The following DCP1A variants were observed in gnomAD, a reference collection of about 807,000 sequenced individuals.
DCP1A encodes mRNA-decapping enzyme 1A.
DCP1A carries 20 observed loss-of-function variants against 58.0 expected under a neutral mutation model. The ratio of observed to expected loss-of-function variants is 0.34; its 90% CI spans 0.24 to 0.50. The LOEUF is 0.50. DCP1A is among the 20% of genes least tolerant of loss of function. The pLI, the probability that DCP1A is intolerant of heterozygous loss-of-function variation, is 0.98. For synonymous variants in DCP1A, 285 were observed against 275.1 expected (o/e 1.04, Z -0.36); for missense variants, 613 against 712.2 (o/e 0.86, Z 1.59).
At chr3:53,333,014 A>C (rs2089041161) in intron 3 of DCP1A, 1 of 152,124 alleles carries the variant, frequency 6.6e-6, no homozygotes, top group African/African-American at 2.4e-5. Flanking sequence ...ACTTGAAAAA[A>C]ATGTAAATTC....
intron 1 of DCP1A, among the ~76,000 whole-genome samples, 187 bp downstream of exon 1, chr3:53,347,196 C>T (rs1575628564): frequency 6.6e-6 from 1 of 152,168 alleles, no homozygotes; most frequent in Non-Finnish European, 1.5e-5. Context: ...ACTTCTCTCA[C>T]TCCTATCCCC....
intron 3 of DCP1A, among the ~76,000 whole-genome samples, chr3:53,334,708 T>C (rs572869874): frequency 5.3e-5 from 8 of 152,198 alleles, no homozygotes; most frequent in Admixed American, 2.0e-4. Context: ...CATGTTATAC[T>C]GTGGAGCGTT....
At chr3:53,308,373 T>C (rs1553688308) in intron 5 of DCP1A, among the ~76,000 whole-genome samples, 1 of 152,090 alleles carries the variant, frequency 6.6e-6, no homozygotes, top group Non-Finnish European at 1.5e-5. Context: ...TAGCTCACTG[T>C]AACTTGGAGC....
chr3:53,292,913 G>C, intron 6 of DCP1A, 86 bp from the exon 7 acceptor site: 1 of 1,394,620 alleles, frequency 7.2e-7, no homozygotes, highest in Non-Finnish European at 9.7e-7. Context: ...CAAAGATTTT[G>C]CAGAATCAAG....
Position 53,321,714 on chromosome 3 carries a change from C to T in DCP1A, c.305-2241G>A, listed in dbSNP as rs192107601. The stretch of plus-strand genomic sequence containing the variant: ...AGCCTGGGCAACAAGAGCGAAACTC[C>T]GTCTCAAAACAAACAAAAAAACCCA... On this transcript the variant is annotated intron_variant, in intron 3 of 9. Transcript: ENST00000610213. 1.3e-3 allele frequency among the ~76,000 whole-genome samples: 191 copies of T among 152,066 alleles called. 3 individuals are homozygous for T. The highest frequency in any genetic ancestry group is 4.0e-3 in the African/African-American group (166 of 41,490).
intron 3 of DCP1A, among the ~76,000 whole-genome samples, chr3:53,336,719 T>C (rs1194750614): frequency 6.6e-6 from 1 of 152,216 alleles, no homozygotes; most frequent in African/African-American, 2.4e-5. Context: ...ATTAATTTTA[T>C]GTTAATTTCT....
chr3:53,302,185 C>T (rs528397482), intron 6 of DCP1A, among the ~76,000 whole-genome samples: 16 of 152,084 alleles, frequency 1.1e-4, no homozygotes, highest in Non-Finnish European at 2.2e-4. Flanking sequence ...GTTGTCATAT[C>T]GTACTATATT....
At chr3:53,321,644 A>G (rs1284906562) in intron 3 of DCP1A, among the ~76,000 whole-genome samples, 1 of 152,162 alleles carries the variant, frequency 6.6e-6, no homozygotes, top group East Asian at 1.9e-4. Context: ...GCTTGAATCC[A>G]GGAGGTGGAG....
chr3:53,294,524 C>G (rs1389083547), intron 6 of DCP1A, among the ~76,000 whole-genome samples: 1 of 152,190 alleles, frequency 6.6e-6, no homozygotes, highest in Non-Finnish European at 1.5e-5. Context: ...CCTGGAGGTA[C>G]TGACTTAGAA....
At chr3:53,301,561 G>A (rs1214751400) in intron 6 of DCP1A, among the ~76,000 whole-genome samples, 3 of 152,092 alleles carry the variant, frequency 2.0e-5, no homozygotes. Context: ...ACTAAAACAT[G>A]CAATACCAAA....
At chr3:53,337,580 T>C (rs1553692079) in intron 3 of DCP1A, among the ~76,000 whole-genome samples, 1 of 152,248 alleles carries the variant, frequency 6.6e-6, no homozygotes, top group East Asian at 1.9e-4. Context: ...AGAATTCTTA[T>C]CTGCAAACTA....
chr3:53,335,417 C>T (rs1237959679), intron 3 of DCP1A, among the ~76,000 whole-genome samples: 1 of 152,156 alleles, frequency 6.6e-6, no homozygotes, highest in African/African-American at 2.4e-5. Flanking sequence ...GCTGGGATTA[C>T]AGGCGTGAGC....
At position 53,287,645 on chromosome 3, in the gene DCP1A, G is replaced by T; in HGVS notation, c.1684C>A (p.Leu562Ile). 6.2e-7 allele frequency: 1 copy of T among 1,611,160 alleles called. No homozygotes were observed. The highest frequency in any genetic ancestry group is 8.5e-7 in the Non-Finnish European group (1 of 1,177,458). Residue 562 changes from leucine to isoleucine, a missense_variant, in exon 10 of 10, where the codon CTC becomes ATC. Coordinates refer to ENST00000610213, the MANE Select transcript of DCP1A (RefSeq NM_018403.7). ...AAGTAGACTTCATGAAGTGTACTGA[G>T]GAAGCTGGAATCATTCTAGAAGAGA... ...IHLIKNDSSF[L>I]STLHEVYLQV...
intron 6 of DCP1A, among the ~76,000 whole-genome samples, chr3:53,293,775 T>C (rs1707014550): frequency 1.3e-5 from 2 of 152,176 alleles, no homozygotes; most frequent in African/African-American, 2.4e-5. Context: ...TATGGTATGA[T>C]CACATTTCTA....
At chr3:53,316,599 T>TCC (rs1707822453) in intron 4 of DCP1A, among the ~76,000 whole-genome samples, 1 of 68,034 alleles carries the variant, frequency 1.5e-5, no homozygotes, top group African/African-American at 4.2e-5. Context: ...TTCTTCCCTT[T>TCC]TTTTTTTTTT....
At chr3:53,313,419 C>CAA (rs201356913) in intron 4 of DCP1A, among the ~76,000 whole-genome samples, 1 of 127,704 alleles carries the variant, frequency 7.8e-6, no homozygotes, top group Admixed American at 8.0e-5. Context: ...ACCTTGACTC[C>CAA]AAAAAAAAAA....
chr3:53,319,809 T>C (rs1283028894), intron 3 of DCP1A, among the ~76,000 whole-genome samples: 3 of 152,212 alleles, frequency 2.0e-5, no homozygotes, highest in African/African-American at 4.8e-5. Flanking sequence ...AAGAATCATA[T>C]TGATTCTAAG....
rs782119551 is a variant in DCP1A, at chr3:53,292,459, A to C, written c.993T>G (p.Val331=). The change falls in exon 7 of 10, where the codon GTT becomes GTG. Residue 331 remains valine (V), a synonymous_variant. Transcript: ENST00000610213. The stretch of plus-strand genomic sequence containing the variant: ...TGCTGTTTCGAGGTAAGCTGGGGGG[A>C]ACCTGTGCAGTAGGAGCTTCAGCTG... ...TLPAEAPTAQ[V]PPSLPRNSTM... 5.0e-6 allele frequency: 8 copies of C among 1,613,648 alleles called. No individual in the cohort carries two copies. The highest frequency in any genetic ancestry group is 1.3e-5 in the African/African-American group (1 of 74,830).
chr3:53,315,059 T>A (rs1244179237), intron 4 of DCP1A, among the ~76,000 whole-genome samples: 1 of 152,164 alleles, frequency 6.6e-6, no homozygotes, highest in East Asian at 1.9e-4. Context: ...TAAACGAGGC[T>A]TGGACTCTAA....
Sources: allele counts gnomAD v4.1 joint callset (sites outside exome capture counted in the v4.1 genomes callset), GRCh38; gene constraint gnomAD v4.1.1; transcripts MANE v1.5; gene names NCBI Gene and HGNC (gene_info 2026-07-23, HGNC 2026-07-21).